CABLES2: variants seen among roughly 807,000 people sequenced by gnomAD.
CABLES2 encodes CDK5 and ABL1 enzyme substrate 2.
In CABLES2, 35 loss-of-function variants were observed where a neutral mutation model predicts 44.8. The observed-to-expected ratio is 0.78, with a 90% confidence interval of 0.60 to 1.04. The LOEUF (loss-of-function observed/expected upper bound fraction) is 1.04. Among genes scored for constraint, CABLES2 ranks in the 50% least tolerant of loss-of-function variants. CABLES2 has a pLI of 0.00. For missense variants in CABLES2, 566 were observed against 615.7 expected (o/e 0.92, Z 0.85); for synonymous variants, 282 against 281.1 (o/e 1.00, Z -0.03).
At chr20:62,398,193 A>ATGATGGTGG (rs1448034298) in intron 1 of CABLES2, among the ~76,000 whole-genome samples, 3 of 30,052 alleles carry the variant, frequency 1.0e-4, no homozygotes, top group South Asian at 9.3e-4. Context: ...GGTGATGGTG[A>ATGATGGTGG]TGATGGTGGT....
intron 1 of CABLES2, among the ~76,000 whole-genome samples, chr20:62,401,320 A>T (rs1293569672): frequency 1.3e-5 from 2 of 152,180 alleles, no homozygotes; most frequent in African/African-American, 4.8e-5. Flanking sequence ...CCTCCACGGG[A>T]GCTGGTGTCA....
At position 62,390,780 on chromosome 20, in the gene CABLES2, G is replaced by A; in HGVS notation, c.*191C>T. 1.6e-6 allele frequency: 1 copy of A among 615,700 alleles called. No homozygotes were observed. Among genetic ancestry groups the A allele is most frequent in the South Asian group, 2.0e-5 (1 of 49,686 alleles). The allele number at this position is 615,700 out of a possible 1,614,324, so 38.1% of individuals were successfully genotyped here. A position where few individuals can be genotyped will look rare whatever the true frequency, so the allele number is the denominator to read the frequency against. ...ATCCCCTCGGAGGGACGGTGCACTT[G>A]GGGATGAAAGCGACGTCTCTTTCCA... On this transcript the variant is annotated 3_prime_UTR_variant, in exon 10 of 10. Coordinates refer to ENST00000279101, the MANE Select transcript of CABLES2 (RefSeq NM_031215.3).
At position 62,392,902 on chromosome 20, in the gene CABLES2, C is replaced by G. The variant is rs769020695; in HGVS notation, c.984+18G>C. The G allele has an allele frequency of 1.9e-6, 3 of 1,610,410 alleles. No homozygotes were observed. Among genetic ancestry groups the G allele is most frequent in the Non-Finnish European group, 2.5e-6 (3 of 1,177,186 alleles). On this transcript the variant is annotated intron_variant, in intron 7 of 9. Coordinates refer to ENST00000279101, the MANE Select transcript of CABLES2 (RefSeq NM_031215.3). ...GTGTGCAGCTGCCTGCACCCAGGCC[C>G]TGGGAGAGGGCACTCACCATGTACG...
intron 4 of CABLES2, 24 bp from the exon 5 acceptor site, chr20:62,394,289 G>A (rs1375161062): frequency 1.3e-6 from 2 of 1,594,812 alleles, no homozygotes; most frequent in Non-Finnish European, 1.7e-6. Context: ...AGAGGCAAGG[G>A]GCTGTGGTCT....
In CABLES2 at chr20:62,398,102, G is replaced by GGTGACA. The variant is rs1229918224; in HGVS notation, c.363-1511_363-1510insTGTCAC. ...TGGTGGTGGTGACGGTGGTGGTGGT[G>GGTGACA]GTGATGGTGGTGGTGGTGGTGGTTA... On this transcript the variant is annotated intron_variant, in intron 1 of 9. Transcript: ENST00000279101. 3.5e-5 allele frequency among the ~76,000 whole-genome samples: 5 copies of GGTGACA among 142,934 alleles called. 1 individual carries two copies. Among genetic ancestry groups the GGTGACA allele is most frequent in the Admixed American group, 2.1e-4 (3 of 14,468 alleles). 93.8% of individuals were successfully genotyped at this position (142,934 alleles called of 152,430 possible).
rs11697527 is a variant in CABLES2 at position 62,390,530 on chromosome 20, C to T, written c.*441G>A. 16,522 of 166,642 alleles carry T rather than the reference C, an allele frequency of 0.099. 1,120 individuals are homozygous for T. The highest frequency in any genetic ancestry group is 0.19 in the African/African-American group (7,993 of 41,914). 10.3% of individuals were successfully genotyped at this position (166,642 alleles called of 1,614,324 possible). A position where few individuals can be genotyped will look rare whatever the true frequency, so the allele number is the denominator to read the frequency against. On this transcript the variant is annotated 3_prime_UTR_variant, in exon 10 of 10. Coordinates refer to ENST00000279101, the MANE Select transcript of CABLES2 (RefSeq NM_031215.3). ...CCTAAATAAGTTAAACTCAGCCATT[C>T]CAGTGTGTTCAGTGAGGTCTAGAAA...
At chr20:62,394,287 G>T in intron 4 of CABLES2, 22 bp from the exon 5 acceptor site, 1 of 1,599,524 alleles carries the variant, frequency 6.3e-7, no homozygotes. Context: ...GGAGAGGCAA[G>T]GGGCTGTGGT....
intron 1 of CABLES2, among the ~76,000 whole-genome samples, chr20:62,399,282 G>A (rs995681835): frequency 6.7e-5 from 9 of 135,288 alleles, no homozygotes; most frequent in African/African-American, 1.5e-4. Flanking sequence ...GTCTCACTCT[G>A]TTGCCCAGGC....
In CABLES2 at chr20:62,393,436, C is replaced by T; in HGVS notation, c.880+4G>A. The T allele has an allele frequency of 1.3e-6, 2 of 1,587,152 alleles. No homozygotes were observed. The highest frequency in any genetic ancestry group is 1.7e-6 in the Non-Finnish European group (2 of 1,165,592). ...CCAGGCCGTGGTTAAGGCACGTGGG[C>T]TACCTAGTTCTGTGCTGGCTGGTGC... is the stretch of plus-strand genomic sequence containing the variant. On this transcript the variant is annotated splice_donor_region_variant and intron_variant, in intron 6 of 9. Transcript: ENST00000279101.
rs1156853385 is a variant in CABLES2, at chr20:62,407,283, AC to A, written c.-8del. 2 of 406,736 alleles carry A rather than the reference AC, an allele frequency of 4.9e-6. No individual in the cohort carries two copies. The highest frequency in any genetic ancestry group is 6.7e-5 in the Admixed American group (1 of 14,946). 25.2% of individuals were successfully genotyped at this position (406,736 alleles called of 1,614,324 possible). ...CGGCCGCGGCCGCGGCCATCCTCAG[AC>A]TGCGCCCGCCGCCGCGAAGCGCCCC... On this transcript the variant is annotated 5_prime_UTR_variant, in exon 1 of 10. Transcript: ENST00000279101.
At chr20:62,397,671 T>C (rs2146422673) in intron 1 of CABLES2, among the ~76,000 whole-genome samples, 1 of 152,292 alleles carries the variant, frequency 6.6e-6, no homozygotes, top group African/African-American at 2.4e-5. Context: ...CTTTGTTCTC[T>C]CCCTTATACC....
At chr20:62,398,733 C>T (rs1327680305) in intron 1 of CABLES2, among the ~76,000 whole-genome samples, 2 of 152,348 alleles carry the variant, frequency 1.3e-5, no homozygotes, top group Non-Finnish European at 2.9e-5. Context: ...TGTCCCAAGG[C>T]GCTGGGTTGG....
chr20:62,396,777 G>C lies in CABLES2; in HGVS notation c.363-185C>G, dbSNP rs1988029434. ...GGGGAGGAGGGGCACCTCCTGCCTT[G>C]AGAGGTTCCTGTTTTGGAGGCACTG... On this transcript the variant is annotated intron_variant, in intron 1 of 9. Transcript: ENST00000279101. The surrounding 1 kb of genome is among the most constrained non-coding windows in gnomAD (Gnocchi z 5.7). Among the ~76,000 whole-genome samples, 1 of 152,148 alleles carries C rather than the reference G, an allele frequency of 6.6e-6. No individual in the cohort carries two copies. Among genetic ancestry groups the C allele is most frequent in the Non-Finnish European group, 1.5e-5 (1 of 68,014 alleles).
rs1002455567 is a variant in CABLES2 at position 62,407,243 on chromosome 20, G to A, written c.34C>T (p.Pro12Ser). 238 of 785,102 alleles carry A rather than the reference G, an allele frequency of 3.0e-4. 2 individuals carry two copies. In the South Asian group the frequency reaches 4.9e-3, roughly 16 times the overall value. 48.6% of individuals were successfully genotyped at this position (785,102 alleles called of 1,614,324 possible). ...AAAAAGGAPG[P>S]APGPAGPPPP... ...GGGGGCCCGGCGGGGCCGGGGGCCGGGCCCGGGGCTCCACCGGCCGCGGCC... is the reference window on the plus strand; with the variant it reads ...GGGGGCCCGGCGGGGCCGGGGGCCGAGCCCGGGGCTCCACCGGCCGCGGCC... The change falls in exon 1 of 10, where the codon CCG (proline) becomes TCG (serine). Residue 12 changes from proline to serine, a missense_variant. Coordinates refer to ENST00000279101, the MANE Select transcript of CABLES2 (RefSeq NM_031215.3).
chr20:62,394,160 C>G lies in CABLES2; in HGVS notation c.711G>C (p.Gly237=). The change falls in exon 5 of 10, where the codon GGG becomes GGC. Residue 237 remains glycine, a synonymous_variant. Transcript: ENST00000279101. ...ELEGVELGAD[G]KVVSYAKFLY... Reference sequence around the variant, plus strand: ...CCACCAGCGAAGAGGCTCTTACCTTCCCGTCTGCTCCTAGCTCCACACCTT... The same window carrying G: ...CCACCAGCGAAGAGGCTCTTACCTTGCCGTCTGCTCCTAGCTCCACACCTT... 6.2e-7 allele frequency: 1 copy of G among 1,613,060 alleles called. No individual in the cohort carries two copies. The highest frequency in any genetic ancestry group is 8.5e-7 in the Non-Finnish European group (1 of 1,179,714).
rs1317001262 is a variant in CABLES2, at chr20:62,392,486, T to C, written c.994A>G (p.Ile332Val). Residue 332 changes from isoleucine (I) to valine (V), a missense_variant, in exon 8 of 10, where the codon ATA (isoleucine) becomes GTA (valine). By Grantham distance (29) the Ile-to-Val change is conservative. Around this residue, in one of 2 missense-constraint regions of CABLES2, gnomAD observed 436 missense variants for 536.3 expected, o/e 0.81. Transcript: ENST00000279101. ...AGGTCTGAGGGCTTCACGTATTCTA[T>C]CACTGTGGTCTGCAACAGAGAGTGG... ...LIFASYMTTV[I>V]EYVKPSDLKK... 1.2e-6 allele frequency: 2 copies of C among 1,613,690 alleles called. No homozygotes were observed. Among genetic ancestry groups the C allele is most frequent in the East Asian group, 4.5e-5 (2 of 44,872 alleles).
At position 62,396,442 on chromosome 20, in the gene CABLES2, C is replaced by A; in HGVS notation, c.435-35G>T. 1 of 1,613,066 alleles carries A rather than the reference C, an allele frequency of 6.2e-7. No individual in the cohort carries two copies. Among genetic ancestry groups the A allele is most frequent in the South Asian group, 1.1e-5 (1 of 91,054 alleles). The stretch of plus-strand genomic sequence containing the variant: ...AAAGGACACAGGTCACTCTTTTCCT[C>A]CCAGGACCCTCTGGCCCCGCAGGGG... On this transcript the variant is annotated intron_variant, in intron 2 of 9. Transcript: ENST00000279101. The surrounding 1 kb of genome is among the most constrained non-coding windows in gnomAD (Gnocchi z 5.7).
Position 62,388,636 on chromosome 20 carries a change from G to A in CABLES2, c.*2335C>T. On this transcript the variant is annotated 3_prime_UTR_variant, in exon 10 of 10. Coordinates refer to ENST00000279101, the MANE Select transcript of CABLES2 (RefSeq NM_031215.3). ...AAGGAGACAAGCTGTGAAACATATTGCAAAACTGAGGTTTAAAGGACAAAT... is the reference window on the plus strand; with the variant it reads ...AAGGAGACAAGCTGTGAAACATATTACAAAACTGAGGTTTAAAGGACAAAT... 2 of 641,646 alleles carry A rather than the reference G, an allele frequency of 3.1e-6. No homozygotes were observed. The highest frequency in any genetic ancestry group is 5.5e-6 in the Non-Finnish European group (2 of 364,878). 39.7% of individuals were successfully genotyped at this position (641,646 alleles called of 1,614,324 possible). A position where few individuals can be genotyped will look rare whatever the true frequency, so the allele number is the denominator to read the frequency against.
In CABLES2 at chr20:62,391,578, C is replaced by A. The variant is rs1987920171; in HGVS notation, c.1092-125G>T. On this transcript the variant is annotated intron_variant, in intron 8 of 9. Transcript: ENST00000279101. The surrounding 1 kb of genome is among the most constrained non-coding windows in gnomAD (Gnocchi z 5.7). ...GGGCCGCAAGAAACACCACCGCATC[C>A]TTCAGGGGATGGTACCCTCCGCCGT... The A allele has an allele frequency of 5.4e-6, 5 of 932,416 alleles. No individual in the cohort carries two copies. The highest frequency in any genetic ancestry group is 3.9e-5 in the Admixed American group (2 of 50,664). The allele number at this position is 932,416 out of a possible 1,614,324, so 57.8% of individuals were successfully genotyped here.
Sources: gnomAD v4.1 joint callset for allele counts (sites outside exome capture counted in the v4.1 genomes callset) on GRCh38, gnomAD v4.1.1 for gene constraint, gnomAD v4.1.1 regional missense constraint, Gnocchi (gnomAD v3.1) non-coding constraint, MANE v1.5 for transcripts, NCBI Gene and HGNC (gene_info 2026-07-23, HGNC 2026-07-21) for gene names.